TTN: variants seen among roughly 807,000 people sequenced by gnomAD.
TTN encodes connectin.
In TTN, 1,525 loss-of-function variants were observed where a neutral mutation model predicts 3,223.0. That is an observed-to-expected ratio of 0.47 (90% CI 0.45 to 0.49). The LOEUF is 0.49. Among genes scored for constraint, TTN ranks in the 20% least tolerant of loss-of-function variants. The pLI is 0.00. For missense variants in TTN, 40,786 were observed against 43,424.0 expected, an observed-to-expected ratio of 0.94 and a Z score of 5.40; for synonymous variants, 14,094 against 15,161.0, an observed-to-expected ratio of 0.93 and a Z score of 5.17.
Position 178,618,401 on chromosome 2 carries a change from C to T in TTN, c.47057G>A (p.Gly15686Glu). The T allele has an allele frequency of 6.2e-7, 1 of 1,612,452 alleles. No homozygotes were observed. The highest frequency in any genetic ancestry group is 8.5e-7 in the Non-Finnish European group (1 of 1,179,102). Residue 15686 changes from glycine to glutamate, a missense_variant, in exon 252 of 363, where the codon GGA becomes GAA. Physicochemically the swap from Gly to Glu is moderately conservative, Grantham distance 98. Coordinates refer to ENST00000589042, the MANE Select transcript of TTN (RefSeq NM_001267550.2). ...AACAACGTAACCTATGATTTTGCTT[C>T]CACCATCAGTTAAAGGTTCTTCCCA... ...LAWEEPLTDG[G>E]SKIIGYVVER... is the part of the protein sequence containing the mutation.
chr2:178,541,625 TA>T, intron 349 of TTN, 41 bp from the exon 350 acceptor site: 2 of 1,527,480 alleles, frequency 1.3e-6, no homozygotes, highest in Non-Finnish European at 1.8e-6. Flanking sequence ...GCAATATGAA[TA>T]CGTTAAAACA....
At chr2:178,668,069 A>C (rs1217817233) in intron 159 of TTN, among the ~76,000 whole-genome samples, 1 of 152,184 alleles carries the variant, frequency 6.6e-6, no homozygotes, top group African/African-American at 2.4e-5. Flanking sequence ...TGAATTGCAC[A>C]TTGAGAATTC....
At chr2:178,800,772 C>A in intron 3 of TTN, 90 bp from the exon 4 acceptor site, 1 of 1,412,792 alleles carries the variant, frequency 7.1e-7, no homozygotes, top group East Asian at 2.3e-5. Flanking sequence ...ATTCCAAAAC[C>A]AGGTGATGAC....
rs2154170540 is a variant in TTN, at chr2:178,573,028, A to G, written c.73104T>C (p.Asp24368=). 6.2e-7 allele frequency: 1 copy of G among 1,613,108 alleles called. No individual in the cohort carries two copies. Among genetic ancestry groups the G allele is most frequent in the Non-Finnish European group, 8.5e-7 (1 of 1,179,470 alleles). Residue 24368 remains aspartate (D), a synonymous_variant, in exon 326 of 363, where the codon GAT becomes GAC. Transcript: ENST00000589042. Reference sequence around the variant, plus strand: ...CTGGTGGAGTGACAATCTGCCATTCATCTTCCTCTGGCAGGGCAATCTCAA... The same window carrying G: ...CTGGTGGAGTGACAATCTGCCATTCGTCTTCCTCTGGCAGGGCAATCTCAA... ...YMVEIALPEE[D]EWQIVTPPAG...
Position 178,559,496 on chromosome 2 carries a change from T to C in TTN, c.86636A>G (p.Asn28879Ser). The change falls in exon 326 of 363, where the codon AAT becomes AGT. Residue 28879 changes from asparagine (N) to serine (S), a missense_variant. Transcript: ENST00000589042. Reference sequence around the variant, plus strand: ...GGCCTCACGTTTTTCTATGTGGTAATTCTTCACTGGTGCTCCACCATCGTT... The same window carrying C: ...GGCCTCACGTTTTTCTATGTGGTAACTCTTCACTGGTGCTCCACCATCGTT... ...PENDGGAPVK[N>S]YHIEKREASK... is the part of the protein sequence containing the mutation. 6.2e-7 allele frequency: 1 copy of C among 1,613,768 alleles called. No homozygotes were observed. The highest frequency in any genetic ancestry group is 1.1e-5 in the South Asian group (1 of 91,074).
At position 178,552,639 on chromosome 2, in the gene TTN, T is replaced by C; in HGVS notation, c.90261A>G (p.Glu30087=). The C allele has an allele frequency of 1.2e-6, 2 of 1,613,946 alleles. No homozygotes were observed. Among genetic ancestry groups the C allele is most frequent in the Non-Finnish European group, 1.7e-6 (2 of 1,179,830 alleles). ...GCTCCTTAAGTTGGCTAACCTCAAT[T>C]TCACATGTCTTACTTATGCCAGCGT... ...WSHAGISKTC[E]IEVSQLKEQS... The change falls in exon 335 of 363, where the codon GAA becomes GAG. Residue 30087 remains glutamate, a synonymous_variant. Transcript: ENST00000589042.
chr2:178,758,406 A>C (rs917152411), intron 44 of TTN, among the ~76,000 whole-genome samples: 4 of 152,212 alleles, frequency 2.6e-5, no homozygotes, highest in African/African-American at 9.6e-5. Flanking sequence ...TGTTTGAATC[A>C]AATTCCCCAT....
Position 178,575,613 on chromosome 2 carries a change from A to G in TTN, c.70519T>C (p.Phe23507Leu), listed in dbSNP as rs764286640. Residue 23507 changes from phenylalanine to leucine, a missense_variant, in exon 326 of 363, where the codon TTC becomes CTC. Physicochemically the swap from Phe to Leu is conservative, Grantham distance 22. Coordinates refer to ENST00000589042, the MANE Select transcript of TTN (RefSeq NM_001267550.2). The surrounding 1 kb of genome is among the most constrained non-coding windows in gnomAD (Gnocchi z 4.0). Reference sequence around the variant, plus strand: ...TATTCATTCTCTGCCATCACTCTGAAGAAATATTCACACCCTTCAGACAAG... The same window carrying G: ...TATTCATTCTCTGCCATCACTCTGAGGAAATATTCACACCCTTCAGACAAG... ...TGLSEGCEYF[F>L]RVMAENEYGI... 2 of 1,613,650 alleles carry G rather than the reference A, an allele frequency of 1.2e-6. No individual in the cohort carries two copies. Among genetic ancestry groups the G allele is most frequent in the South Asian group, 2.2e-5 (2 of 91,072 alleles).
Position 178,586,553 on chromosome 2 carries a change from T to G in TTN, c.64348A>C (p.Ser21450Arg). ...RVAARNAVGV[S>R]LPREAEGVYE... ...ACTCCTTCAGCTTCTCTTGGCAAAC[T>G]GACTCCAACAGCATTTCTGGCCGCT... Residue 21450 changes from serine (S) to arginine (R), a missense_variant, in exon 308 of 363, where the codon AGT becomes CGT. Transcript: ENST00000589042. The G allele has an allele frequency of 1.9e-6, 3 of 1,613,234 alleles. No individual in the cohort carries two copies. Among genetic ancestry groups the G allele is most frequent in the Non-Finnish European group, 2.5e-6 (3 of 1,179,406 alleles).
At chr2:178,738,639 T>C (rs1198118110) in intron 48 of TTN, among the ~76,000 whole-genome samples, 1 of 152,204 alleles carries the variant, frequency 6.6e-6, no homozygotes, top group African/African-American at 2.4e-5. Flanking sequence ...ACATGATATA[T>C]TCTTTAAATA....
In TTN at chr2:178,749,677, T is replaced by C. The variant is rs754660904; in HGVS notation, c.11311+3447A>G. 51 of 1,612,876 alleles carry C rather than the reference T, an allele frequency of 3.2e-5. No individual in the cohort carries two copies. The East Asian group carries it at 1.0e-3, about 33-fold the overall frequency. On this transcript the variant is annotated intron_variant, in intron 47 of 362. Transcript: ENST00000589042. Reference sequence around the variant, plus strand: ...GCTCCACTGTTAGATCTGAAACACTTTCAACTGCCCCTGAATTGTTTTCAG... The same window carrying C: ...GCTCCACTGTTAGATCTGAAACACTCTCAACTGCCCCTGAATTGTTTTCAG...
rs1165541106 is a variant in TTN, at chr2:178,601,467, C to A, written c.55530G>T (p.Arg18510Ser). 5.6e-6 allele frequency: 9 copies of A among 1,612,886 alleles called. No individual in the cohort carries two copies. The highest frequency in any genetic ancestry group is 7.6e-6 in the Non-Finnish European group (9 of 1,179,348). ...TCTTCTCAATAACATAGCCTTTGAT[C>A]CTGTCTCCTCCATCGTCGTCTGGCA... is the stretch of plus-strand genomic sequence containing the variant. ...WKMPDDDGGD[R>S]IKGYVIEKRT... is the part of the protein sequence containing the mutation. The change falls in exon 287 of 363, where the codon AGG (arginine) becomes AGT (serine). Residue 18510 changes from arginine (R) to serine (S), a missense_variant. By Grantham distance (110) the Arg-to-Ser change is moderately radical. Transcript: ENST00000589042.
In TTN at chr2:178,776,336, A is replaced by G; in HGVS notation, c.5528T>C (p.Ile1843Thr). 1 of 1,613,822 alleles carries G rather than the reference A, an allele frequency of 6.2e-7. No homozygotes were observed. Residue 1843 changes from isoleucine (I) to threonine (T), a missense_variant, in exon 28 of 363, where the codon ATT becomes ACT. Ile to Thr is a moderately conservative substitution (Grantham distance 89). Coordinates refer to ENST00000589042, the MANE Select transcript of TTN (RefSeq NM_001267550.2). ...TDQKEKQKPDIVLYPEPVRVL... is the reference protein window; with the variant it reads ...TDQKEKQKPDTVLYPEPVRVL... ...TCTAACTGGCTCTGGGTACAAGACA[A>G]TGTCTGGCTTTTGCTTTTCTTTCTG...
chr2:178,574,140 G>A lies in TTN; in HGVS notation c.71992C>T (p.Arg23998Cys). ...CCTGCAGCATTTTTGGCGATCACAC[G>A]GAATTCATATGCAGCATCTTCTGTT... ...GLTEDAAYEF[R>C]VIAKNAAGAI... Residue 23998 changes from arginine (R) to cysteine (C), a missense_variant, in exon 326 of 363, where the codon CGT (arginine) becomes TGT (cysteine). Arg to Cys is a radical substitution (Grantham distance 180). Coordinates refer to ENST00000589042, the MANE Select transcript of TTN (RefSeq NM_001267550.2). 6.2e-7 allele frequency: 1 copy of A among 1,613,530 alleles called. No homozygotes were observed. Among genetic ancestry groups the A allele is most frequent in the South Asian group, 1.1e-5 (1 of 91,064 alleles).
In TTN at chr2:178,530,547, T is replaced by G; in HGVS notation, c.106068A>C (p.Glu35356Asp). The change falls in exon 358 of 363, where the codon GAA becomes GAC. Residue 35356 changes from glutamate to aspartate, a missense_variant. Physicochemically the swap from Glu to Asp is conservative, Grantham distance 45 (BLOSUM62 2). Transcript: ENST00000589042. Reference protein sequence around the residue: ...INNLTESDQGEYVCEISGEGG... With the variant: ...INNLTESDQGDYVCEISGEGG... ...CTTCACCAGAAATCTCACAAACATATTCTCCTTGATCAGATTCAGTGAGGT... is the reference window on the plus strand; with the variant it reads ...CTTCACCAGAAATCTCACAAACATAGTCTCCTTGATCAGATTCAGTGAGGT... The G allele has an allele frequency of 1.2e-6, 2 of 1,614,018 alleles. No homozygotes were observed. Among genetic ancestry groups the G allele is most frequent in the Non-Finnish European group, 1.7e-6 (2 of 1,179,886 alleles).
At chr2:178,681,866 C>A in intron 135 of TTN, 128 bp from the exon 136 acceptor site, 1 of 726,784 alleles carries the variant, frequency 1.4e-6, no homozygotes, top group South Asian at 2.5e-5. Context: ...TTGAAGTAGG[C>A]AAGAATCAGA....
In TTN at chr2:178,601,747, T is replaced by G. The variant is rs1297622212; in HGVS notation, c.55343A>C (p.Glu18448Ala). 2 of 1,608,794 alleles carry G rather than the reference T, an allele frequency of 1.2e-6. No homozygotes were observed. The highest frequency in any genetic ancestry group is 1.3e-5 in the African/African-American group (1 of 74,702). The change falls in exon 286 of 363, where the codon GAG becomes GCG. Residue 18448 changes from glutamate (E) to alanine (A), a missense_variant. By Grantham distance (107) the Glu-to-Ala change is moderately radical. Coordinates refer to ENST00000589042, the MANE Select transcript of TTN (RefSeq NM_001267550.2). ...AENSSVIIIPECKRSHTGKYS... is the reference protein window; with the variant it reads ...AENSSVIIIPACKRSHTGKYS... ...TTTGCCTGTATGAGATCGTTTACAC[T>G]CCGGAATAATAATTACTGAGGAGTT...
intron 362 of TTN, 52 bp downstream of exon 362, chr2:178,527,394 C>T: frequency 6.3e-7 from 1 of 1,590,304 alleles, no homozygotes; most frequent in Non-Finnish European, 8.6e-7. Flanking sequence ...GTACTAAAGA[C>T]TACACCATGT....
chr2:178,627,813 C>T (rs2059258907), intron 240 of TTN, among the ~76,000 whole-genome samples: 1 of 151,934 alleles, frequency 6.6e-6, no homozygotes, highest in Non-Finnish European at 1.5e-5. Flanking sequence ...AAAATAATAT[C>T]ATTTGTCTTT....
Sources: gnomAD v4.1 joint callset for allele counts (sites outside exome capture counted in the v4.1 genomes callset) on GRCh38, gnomAD v4.1.1 for gene constraint, Gnocchi (gnomAD v3.1) non-coding constraint, MANE v1.5 for transcripts, NCBI Gene and HGNC (gene_info 2026-07-23, HGNC 2026-07-21) for gene names.